EXD1: variants seen among roughly 807,000 people sequenced by gnomAD.
EXD1 encodes piRNA biogenesis protein EXD1.
Under a neutral mutation model 49.1 loss-of-function variants are expected in EXD1, and 63 were observed. The ratio of observed to expected loss-of-function variants is 1.28; its 90% confidence interval spans 1.05 to 1.58. The LOEUF (loss-of-function observed/expected upper bound fraction) is 1.58, where lower values mean the gene tolerates loss of function less well. Ranked by LOEUF, EXD1 falls within the 40% of genes most tolerant of loss-of-function variation. The pLI, the probability that EXD1 is intolerant of heterozygous loss-of-function variation, is 0.00. For missense variants in EXD1, 748 were observed against 666.0 expected (o/e 1.12, Z -1.36); for synonymous variants, 234 against 239.2 (o/e 0.98, Z 0.20).
intron 9 of EXD1, 50 bp downstream of exon 9, chr15:41,195,725 C>A (rs1288654925): frequency 2.1e-5 from 30 of 1,428,530 alleles, no homozygotes; most frequent in Non-Finnish European, 2.6e-5. Flanking sequence ...GCCCTTTTAT[C>A]TACAGGAGCT....
intron 2 of EXD1, among the ~76,000 whole-genome samples, chr15:41,222,934 CAAAAAAAAAAA>C (rs562493256): frequency 1.0e-5 from 1 of 100,158 alleles, no homozygotes; most frequent in African/African-American, 3.1e-5. Context: ...GACTCTGTCT[CAAAAAAAAAAA>C]AAAAAAAAAA....
intron 1 of EXD1, among the ~76,000 whole-genome samples, chr15:41,228,353 AT>A: frequency 6.6e-6 from 1 of 152,184 alleles, no homozygotes; most frequent in Non-Finnish European, 1.5e-5. Context: ...AATAACCTAT[AT>A]TTTTACATTT....
At chr15:41,209,976 T>G (rs1012075280) in intron 6 of EXD1, among the ~76,000 whole-genome samples, 1 of 152,186 alleles carries the variant, frequency 6.6e-6, no homozygotes, top group African/African-American at 2.4e-5. Flanking sequence ...GGCACGATCT[T>G]GACTTGCAAC....
chr15:41,199,349 A>G (rs559870671), intron 7 of EXD1, among the ~76,000 whole-genome samples: 25 of 151,356 alleles, frequency 1.7e-4, no homozygotes, highest in African/African-American at 6.1e-4. Flanking sequence ...CAGCCTCTCA[A>G]AGTGCTGGGA....
chr15:41,185,127 G>A (rs2046388594), intron 11 of EXD1, among the ~76,000 whole-genome samples: 2 of 152,172 alleles, frequency 1.3e-5, no homozygotes, highest in South Asian at 2.1e-4. Flanking sequence ...GTGTATGCAC[G>A]TATGTATAAA....
chr15:41,191,417 C>G (rs373773895), intron 10 of EXD1, 25 bp downstream of exon 10: 5 of 1,507,894 alleles, frequency 3.3e-6, no homozygotes, highest in Non-Finnish European at 4.4e-6. Flanking sequence ...AAAATAATGT[C>G]ATACAGGACA....
intron 1 of EXD1, among the ~76,000 whole-genome samples, chr15:41,227,940 C>T (rs1319409628): frequency 6.6e-6 from 1 of 150,972 alleles, no homozygotes; most frequent in Non-Finnish European, 1.5e-5. Flanking sequence ...ATCCTAGCTA[C>T]TCAGGAGGCT....
intron 7 of EXD1, among the ~76,000 whole-genome samples, chr15:41,204,319 G>A (rs1386065035): frequency 6.6e-6 from 1 of 151,664 alleles, no homozygotes; most frequent in African/African-American, 2.4e-5. Context: ...GGGAGGTCAG[G>A]GCAGTTGGAT....
At chr15:41,196,071 G>A in intron 7 of EXD1, 34 bp from the exon 8 acceptor site, 1 of 1,505,984 alleles carries the variant, frequency 6.6e-7, no homozygotes, top group South Asian at 1.2e-5. Flanking sequence ...CATACCATAG[G>A]ATAAGAAAGA....
In EXD1 at chr15:41,184,070, GA is replaced by G; in HGVS notation, c.1579del (p.Ser527LeufsTer39). On this transcript the variant is annotated frameshift_variant, in exon 12 of 12. Transcript: ENST00000458580. LOFTEE classifies it low-confidence loss of function (END_TRUNC). Reference protein sequence around the residue: ...LKCTKQAVSMSSFPQETRVSP... With the variant: ...LKCTKQAVSMXSFPQETRVSP... ...CACTCTGGTTTCCTGAGGAAAGGAA[GA>G]CATTGAAACAGCCTGTTTTGTGCAT... 1 of 1,614,200 alleles carries G rather than the reference GA, an allele frequency of 6.2e-7. No homozygotes were observed. The highest frequency in any genetic ancestry group is 8.5e-7 in the Non-Finnish European group (1 of 1,180,036).
At chr15:41,226,070 G>A (rs1179586243) in intron 2 of EXD1, among the ~76,000 whole-genome samples, 1 of 151,886 alleles carries the variant, frequency 6.6e-6, no homozygotes, top group Non-Finnish European at 1.5e-5. Flanking sequence ...GGCTAACACG[G>A]TGAAACCCTG....
At chr15:41,229,161 A>G (rs1182752053) in intron 1 of EXD1, among the ~76,000 whole-genome samples, 7 of 152,190 alleles carry the variant, frequency 4.6e-5, no homozygotes, top group African/African-American at 1.7e-4. Flanking sequence ...TCACTAGGTT[A>G]GACAAGTGCA....
intron 2 of EXD1, among the ~76,000 whole-genome samples, chr15:41,224,986 C>T (rs1029875737): frequency 6.6e-6 from 1 of 152,018 alleles, no homozygotes; most frequent in Non-Finnish European, 1.5e-5. Context: ...AAGGATAGCC[C>T]TATGTTTCTT....
chr15:41,207,057 G>T (rs527861594), intron 7 of EXD1, among the ~76,000 whole-genome samples: 5 of 134,792 alleles, frequency 3.7e-5, no homozygotes, highest in African/African-American at 1.1e-4. Flanking sequence ...CCTGGCCAAC[G>T]TGGTGAAACC....
intron 3 of EXD1, among the ~76,000 whole-genome samples, chr15:41,218,500 A>G (rs540011101): frequency 6.6e-6 from 1 of 151,746 alleles, no homozygotes; most frequent in Non-Finnish European, 1.5e-5. Context: ...AAAAAAAAAA[A>G]AAAAAGTATG....
chr15:41,189,833 T>C (rs934134718), intron 11 of EXD1, 104 bp downstream of exon 11: 45 of 1,137,242 alleles, frequency 4.0e-5, no homozygotes, highest in Non-Finnish European at 5.0e-5. Flanking sequence ...TATCCCCAAG[T>C]TGACCCCATG....
At chr15:41,194,233 A>G (rs1566977290) in intron 9 of EXD1, among the ~76,000 whole-genome samples, 1 of 151,970 alleles carries the variant, frequency 6.6e-6, no homozygotes, top group Non-Finnish European at 1.5e-5. Flanking sequence ...GGATGGTCTC[A>G]ATCTCCTGAA....
chr15:41,204,332 C>T (rs1461620119), intron 7 of EXD1, among the ~76,000 whole-genome samples: 1 of 151,646 alleles, frequency 6.6e-6, no homozygotes, highest in Non-Finnish European at 1.5e-5. Flanking sequence ...AGTTGGATCA[C>T]CTGAGGTTGG....
chr15:41,216,132 TACAC>T (rs1306206147), intron 5 of EXD1, among the ~76,000 whole-genome samples: 1 of 152,056 alleles, frequency 6.6e-6, no homozygotes, highest in Non-Finnish European at 1.5e-5. Flanking sequence ...TAATTATGAG[TACAC>T]ACACAGTATG....
Sources: allele counts gnomAD v4.1 joint callset (sites outside exome capture counted in the v4.1 genomes callset), GRCh38; gene constraint gnomAD v4.1.1; transcripts MANE v1.5; gene names NCBI Gene and HGNC (gene_info 2026-07-23, HGNC 2026-07-21).